Variants in ITGA1 observed in about 807,000 individuals in gnomAD.
ITGA1 encodes the protein integrin alpha-1.
Under a neutral mutation model 145.9 loss-of-function variants are expected in ITGA1, and 85 were observed. The observed-to-expected ratio is 0.58, with a 90% confidence interval of 0.49 to 0.70. The LOEUF is 0.70. Among genes scored for constraint, ITGA1 ranks in the 30% least tolerant of loss-of-function variants. The probability of loss-of-function intolerance (pLI) is 0.00; values close to 1 mark genes in which losing one functional copy is unlikely to be tolerated. For synonymous variants in ITGA1, 520 were observed against 495.3 expected, an observed-to-expected ratio of 1.05 and a Z score of -0.66; for missense variants, 1,351 against 1,418.7, an observed-to-expected ratio of 0.95 and a Z score of 0.77.
intron 28 of ITGA1, among the ~76,000 whole-genome samples, chr5:52,952,044 G>T (rs2111916814): frequency 6.6e-6 from 1 of 152,122 alleles, no homozygotes; most frequent in African/African-American, 2.4e-5. Flanking sequence ...ACAAAAATTA[G>T]CTGGGCATGG....
intron 12 of ITGA1, 142 bp downstream of exon 12, chr5:52,906,050 G>T: frequency 1.5e-6 from 1 of 663,168 alleles, no homozygotes; most frequent in Non-Finnish European, 2.5e-6. Context: ...AGGTTCTTTG[G>T]AAGGATGTAT....
At chr5:52,879,733 G>T (rs1486171437) in intron 6 of ITGA1, among the ~76,000 whole-genome samples, 1 of 151,958 alleles carries the variant, frequency 6.6e-6, no homozygotes, top group Non-Finnish European at 1.5e-5. Flanking sequence ...GGGTCTTTTG[G>T]TCACCTTTAT....
intron 1 of ITGA1, among the ~76,000 whole-genome samples, chr5:52,833,981 C>A (rs72756560): frequency 0.065 from 9,940 of 152,238 alleles, 410 homozygotes; most frequent in East Asian, 0.089. Flanking sequence ...TTCATTCATT[C>A]AACAAATTTT....
At chr5:52,873,319 T>G (rs1749812838) in intron 6 of ITGA1, among the ~76,000 whole-genome samples, 1 of 152,204 alleles carries the variant, frequency 6.6e-6, no homozygotes, top group African/African-American at 2.4e-5. Flanking sequence ...GCCCTTGCCC[T>G]TCTCCACAAA....
intron 1 of ITGA1, among the ~76,000 whole-genome samples, chr5:52,840,475 T>A (rs1282812790): frequency 6.6e-6 from 1 of 152,192 alleles, no homozygotes; most frequent in African/African-American, 2.4e-5. Flanking sequence ...CCCCTGAGGT[T>A]CTGCAGCTTT....
At chr5:52,911,999 T>TA (rs1750556773) in intron 14 of ITGA1, among the ~76,000 whole-genome samples, 1 of 86,960 alleles carries the variant, frequency 1.1e-5, no homozygotes, top group Non-Finnish European at 2.3e-5. Flanking sequence ...ATAGTGTGTA[T>TA]CTACTATATA....
chr5:52,922,835 C>G lies in ITGA1; in HGVS notation c.2351C>G (p.Pro784Arg). Reference protein sequence around the residue: ...RITLDFNLTDPENGPVLDDSL... With the variant: ...RITLDFNLTDRENGPVLDDSL... ...ACGTTGGACTTTAATCTTACCGATC[C>G]AGAAAATGGGCCTGTTCTTGATGAT... is the stretch of plus-strand genomic sequence containing the variant. Residue 784 changes from proline to arginine, a missense_variant, in exon 18 of 29, where the codon CCA becomes CGA. Physicochemically the swap from Pro to Arg is moderately radical, Grantham distance 103 (BLOSUM62 -2). Transcript: ENST00000282588. 6.2e-7 allele frequency: 1 copy of G among 1,613,426 alleles called. No individual in the cohort carries two copies. Among genetic ancestry groups the G allele is most frequent in the African/African-American group, 1.3e-5 (1 of 74,994 alleles).
intron 7 of ITGA1, among the ~76,000 whole-genome samples, chr5:52,886,903 A>G (rs111446982): frequency 0.027 from 4,042 of 152,090 alleles, 204 homozygotes; most frequent in African/African-American, 0.094. Context: ...CTCAGCCTCC[A>G]GAGTAGCTGG....
At chr5:52,837,273 G>T (rs1249729901) in intron 1 of ITGA1, among the ~76,000 whole-genome samples, 1 of 152,140 alleles carries the variant, frequency 6.6e-6, no homozygotes, top group Non-Finnish European at 1.5e-5. Context: ...TCTTAACGTA[G>T]GCAGGCTCAG....
At chr5:52,917,036 C>T (rs1028698812) in intron 15 of ITGA1, among the ~76,000 whole-genome samples, 1 of 152,114 alleles carries the variant, frequency 6.6e-6, no homozygotes, top group Non-Finnish European at 1.5e-5. Context: ...TATACTGGGA[C>T]ACGAAGACTA....
At chr5:52,801,926 A>G (rs1748496958) in intron 1 of ITGA1, 3 of 1,034,480 alleles carry the variant, frequency 2.9e-6, no homozygotes, top group Non-Finnish European at 4.1e-6. Flanking sequence ...GAAAGCTGCA[A>G]GAATGGCACT....
chr5:52,920,315 T>G lies in ITGA1; in HGVS notation c.2156-17T>G. On this transcript the variant is annotated splice_polypyrimidine_tract_variant and intron_variant, in intron 16 of 28. Coordinates refer to ENST00000282588, the MANE Select transcript of ITGA1 (RefSeq NM_181501.2). ...CAAATAAACATTTCCATCAATTATT[T>G]TTTAAAATTTTTGTAGATTTGCAGT... is the stretch of plus-strand genomic sequence containing the variant. 6.4e-7 allele frequency: 1 copy of G among 1,562,870 alleles called. No individual in the cohort carries two copies. The highest frequency in any genetic ancestry group is 8.7e-7 in the Non-Finnish European group (1 of 1,152,726).
rs1364286049 is a variant in ITGA1 at position 52,861,566 on chromosome 5, A to G, written c.295+7A>G. The G allele has an allele frequency of 6.4e-7, 1 of 1,572,912 alleles. No individual in the cohort carries two copies. Among genetic ancestry groups the G allele is most frequent in the Non-Finnish European group, 8.7e-7 (1 of 1,143,186 alleles). ...GTAAAGTTGGATCTACCAGGTATGT[A>G]AAATTAAAAAAATCTGGTTTTAGGC... On this transcript the variant is annotated splice_region_variant and intron_variant, in intron 3 of 28. Coordinates refer to ENST00000282588, the MANE Select transcript of ITGA1 (RefSeq NM_181501.2).
intron 11 of ITGA1, chr5:52,902,353 C>A (rs1007327308): frequency 8.5e-5 from 13 of 152,222 alleles, no homozygotes; most frequent in Admixed American, 8.5e-4. Flanking sequence ...GCCTCCTCCA[C>A]CCACAGTTTG....
At chr5:52,840,912 C>A (rs1005171246) in intron 1 of ITGA1, among the ~76,000 whole-genome samples, 11 of 152,160 alleles carry the variant, frequency 7.2e-5, no homozygotes, top group Non-Finnish European at 2.9e-5. Flanking sequence ...TCCTTGCCTC[C>A]TTTCCACCAG....
intron 1 of ITGA1, among the ~76,000 whole-genome samples, chr5:52,812,684 T>C (rs1161904606): frequency 2.0e-5 from 3 of 150,898 alleles, no homozygotes; most frequent in African/African-American, 7.3e-5. Context: ...GAAAAAATGA[T>C]AAAACTGCTC....
At position 52,957,701 on chromosome 5, in the gene ITGA1, A is replaced by G. The variant is rs1166720062; in HGVS notation, c.*5250A>G. The G allele has an allele frequency of 6.6e-6, 1 of 152,212 alleles. No individual in the cohort carries two copies. The highest frequency in any genetic ancestry group is 1.5e-5 in the Non-Finnish European group (1 of 68,042). 9.4% of individuals were successfully genotyped at this position (152,212 alleles called of 1,614,324 possible). A position where few individuals can be genotyped will look rare whatever the true frequency, so the allele number is the denominator to read the frequency against. On this transcript the variant is annotated 3_prime_UTR_variant, in exon 29 of 29. Coordinates refer to ENST00000282588, the MANE Select transcript of ITGA1 (RefSeq NM_181501.2). ...AGGCCATTCTCTGCCTTGTGCCCATAGCAGGGCCTTGGGTGGTGACATGTT... is the reference window on the plus strand; with the variant it reads ...AGGCCATTCTCTGCCTTGTGCCCATGGCAGGGCCTTGGGTGGTGACATGTT...
intron 1 of ITGA1, among the ~76,000 whole-genome samples, chr5:52,793,661 T>C (rs1441578185): frequency 1.3e-5 from 2 of 152,074 alleles, no homozygotes; most frequent in African/African-American, 4.8e-5. Context: ...AAGAGGCTAG[T>C]ATGTGAACCC....
intron 1 of ITGA1, among the ~76,000 whole-genome samples, chr5:52,847,173 T>G (rs150902713): frequency 4.7e-4 from 71 of 152,240 alleles, no homozygotes; most frequent in African/African-American, 1.6e-3. Context: ...GTTTTAGAAG[T>G]TTAAAGATTA....
Sources: gnomAD v4.1 joint callset for allele counts (sites outside exome capture counted in the v4.1 genomes callset) on GRCh38, gnomAD v4.1.1 for gene constraint, MANE v1.5 for transcripts, NCBI Gene and HGNC (gene_info 2026-07-23, HGNC 2026-07-21) for gene names.